The following CTNNA1 variants were observed in gnomAD, a reference collection of about 807,000 sequenced individuals.
CTNNA1 encodes catenin alpha-1.
A neutral mutation model predicts 98.4 loss-of-function variants in CTNNA1; 37 were observed. The ratio of observed to expected loss-of-function variants is 0.38; its 90% CI spans 0.29 to 0.49. The LOEUF (loss-of-function observed/expected upper bound fraction) is 0.49. Among genes scored for constraint, CTNNA1 ranks in the 20% least tolerant of loss-of-function variants. CTNNA1 has a pLI of 0.95. For synonymous variants in CTNNA1, 404 were observed against 413.2 expected (o/e 0.98, Z 0.27); for missense variants, 761 against 1,147.2 (o/e 0.66, Z 4.86).
intron 7 of CTNNA1, among the ~76,000 whole-genome samples, chr5:138,828,618 C>T (rs6884198): frequency 0.69 from 105,171 of 152,022 alleles, 36,517 homozygotes; most frequent in East Asian, 0.93. Context: ...TCATCACTAG[C>T]GTTTTTTACC....
At chr5:138,758,220 G>C (rs1387435520) in intron 1 of CTNNA1, among the ~76,000 whole-genome samples, 1 of 150,338 alleles carries the variant, frequency 6.7e-6, no homozygotes, top group African/African-American at 2.4e-5. Flanking sequence ...ATTTTTTTTT[G>C]AGATGGAGTC....
intron 1 of CTNNA1, among the ~76,000 whole-genome samples, chr5:138,755,461 C>T (rs551027570): frequency 6.6e-6 from 1 of 152,226 alleles, no homozygotes; most frequent in South Asian, 2.1e-4. Context: ...TTCTTTTCCT[C>T]GCCCTCACTC....
chr5:138,882,584 T>C (rs1381393139), intron 7 of CTNNA1, among the ~76,000 whole-genome samples: 2 of 152,166 alleles, frequency 1.3e-5, no homozygotes, highest in Non-Finnish European at 2.9e-5. Context: ...CTGGAAACCT[T>C]TGCCTTTTCA....
intron 1 of CTNNA1, among the ~76,000 whole-genome samples, chr5:138,772,335 A>ACAGC (rs1329254608): frequency 2.0e-5 from 3 of 152,244 alleles, no homozygotes; most frequent in Non-Finnish European, 2.9e-5. Flanking sequence ...CCTCCTGGAA[A>ACAGC]AACCTAAGGT....
intron 7 of CTNNA1, among the ~76,000 whole-genome samples, chr5:138,879,171 T>TA (rs35271091): frequency 0.27 from 21,537 of 80,176 alleles, 3,238 homozygotes; most frequent in East Asian, 0.46. Context: ...ACTCCGTCTT[T>TA]AAAAAAAAAA....
rs1043413100 is a variant in CTNNA1, at chr5:138,810,097, C to T, written c.361C>T (p.Arg121Ter). ...AGATGATCCCTGCTCTTCTGTGAAG[C>T]GAGGCAACATGGTTCGGGCAGCTCG... ...FADDPCSSVK[R>*]GNMVRAARAL... The change falls in exon 4 of 18, where the codon CGA (arginine) becomes TGA (stop). Residue 121 changes from arginine to a stop codon, truncating the protein, a stop_gained. Transcript: ENST00000302763. LOFTEE classifies it high-confidence loss of function. 1 of 1,614,108 alleles carries T rather than the reference C, an allele frequency of 6.2e-7. No homozygotes were observed. Among genetic ancestry groups the T allele is most frequent in the Non-Finnish European group, 8.5e-7 (1 of 1,179,996 alleles).
chr5:138,817,731 C>T (rs76001936), intron 5 of CTNNA1, among the ~76,000 whole-genome samples: 5,675 of 151,910 alleles, frequency 0.037, 283 homozygotes, highest in African/African-American at 0.12. Flanking sequence ...TTGAATTCTT[C>T]GTTGTTTTCA....
chr5:138,843,115 G>A (rs1274583883), intron 7 of CTNNA1, among the ~76,000 whole-genome samples: 1 of 152,116 alleles, frequency 6.6e-6, no homozygotes, highest in Non-Finnish European at 1.5e-5. Context: ...TGGTTTAGGA[G>A]GAATGGTTAC....
chr5:138,887,337 T>C (rs1296011705), intron 8 of CTNNA1, among the ~76,000 whole-genome samples, 153 bp from the exon 9 acceptor site: 1 of 152,194 alleles, frequency 6.6e-6, no homozygotes, highest in Non-Finnish European at 1.5e-5. Flanking sequence ...TTGTAGATTA[T>C]GTAACTGCAT....
At position 138,825,482 on chromosome 5, in the gene CTNNA1, G is replaced by GTTTTTTTT. The variant is rs756586452; in HGVS notation, c.858+692_858+699dup. ...CTTCCAGTAGATGGCAGCAGTATAA[G>GTTTTTTTT]TTTTTTTTTTTTTTTTAGGGCTTTA... On this transcript the variant is annotated intron_variant, in intron 6 of 17. Coordinates refer to ENST00000302763, the MANE Select transcript of CTNNA1 (RefSeq NM_001903.5). 2.2e-3 allele frequency among the ~76,000 whole-genome samples: 166 copies of GTTTTTTTT among 74,090 alleles called. 19 individuals carry two copies. Among genetic ancestry groups the GTTTTTTTT allele is most frequent in the African/African-American group, 7.3e-3 (126 of 17,276 alleles). The allele number at this position is 74,090 out of a possible 152,430, so 48.6% of individuals were successfully genotyped here.
At position 138,924,691 on chromosome 5, in the gene CTNNA1, T is replaced by G; in HGVS notation, c.1728T>G (p.Thr576=). The G allele has an allele frequency of 6.3e-7, 1 of 1,581,874 alleles. No individual in the cohort carries two copies. The highest frequency in any genetic ancestry group is 1.7e-4 in the Middle Eastern group (1 of 5,830). The change falls in exon 12 of 18, where the codon ACT becomes ACG. Residue 576 remains threonine (T), a synonymous_variant. Transcript: ENST00000302763. The part of the protein sequence containing the change: ...GVYTEKVLEA[T]KLLSNTVMPR... ...ACACAGAGAAGGTTCTGGAAGCCAC[T>G]AAGCTGCTCTCCAACACAGGTACGG...
At chr5:138,884,315 A>C (rs971860671) in intron 7 of CTNNA1, among the ~76,000 whole-genome samples, 6 of 152,176 alleles carry the variant, frequency 3.9e-5, no homozygotes, top group African/African-American at 1.4e-4. Flanking sequence ...GGAGGCGGGA[A>C]GCCAAGGTTC....
intron 3 of CTNNA1, among the ~76,000 whole-genome samples, chr5:138,800,943 T>A (rs1473926717): frequency 1.3e-5 from 2 of 152,202 alleles, no homozygotes; most frequent in Non-Finnish European, 2.9e-5. Context: ...TTGGTAGTAC[T>A]TCCAGCATCA....
At chr5:138,789,188 TCCC>T (rs11331872) in intron 3 of CTNNA1, among the ~76,000 whole-genome samples, 20 of 149,224 alleles carry the variant, frequency 1.3e-4, no homozygotes, top group African/African-American at 4.9e-4. Context: ...TTCCTGTTTT[TCCC>T]CCCCCCCAGA....
chr5:138,884,793 A>AG (rs1753671949), intron 7 of CTNNA1, among the ~76,000 whole-genome samples: 1 of 152,198 alleles, frequency 6.6e-6, no homozygotes, highest in African/African-American at 2.4e-5. Flanking sequence ...CTGGCTGAGA[A>AG]GGGGGTCCAT....
chr5:138,781,987 G>A lies in CTNNA1; in HGVS notation c.63G>A (p.Arg21=), dbSNP rs1436293141. ...FKWDPKSLEI[R]TLAVERLLEP... ...GGGATCCTAAAAGTCTAGAGATCAG[G>A]ACTCTGGCAGTTGAGAGACTGTTGG... The change falls in exon 2 of 18, where the codon AGG becomes AGA. Residue 21 remains arginine, a synonymous_variant. Transcript: ENST00000302763. The A allele has an allele frequency of 1.2e-6, 2 of 1,607,552 alleles. No individual in the cohort carries two copies. The highest frequency in any genetic ancestry group is 2.2e-5 in the South Asian group (2 of 89,236).
intron 7 of CTNNA1, among the ~76,000 whole-genome samples, chr5:138,856,268 T>C (rs926238564): frequency 2.6e-5 from 4 of 152,212 alleles, no homozygotes; most frequent in Non-Finnish European, 4.4e-5. Flanking sequence ...TATAATAAGA[T>C]ACTCTTTTGT....
chr5:138,878,701 A>G (rs1360071552), intron 7 of CTNNA1, among the ~76,000 whole-genome samples: 1 of 152,188 alleles, frequency 6.6e-6, no homozygotes, highest in Non-Finnish European at 1.5e-5. Flanking sequence ...TGGAGAAGCA[A>G]ATGTACAGAT....
At chr5:138,790,898 C>T (rs923312559) in intron 3 of CTNNA1, 1 of 152,162 alleles carries the variant, frequency 6.6e-6, no homozygotes, top group Non-Finnish European at 1.5e-5. Flanking sequence ...CCAGTCACCT[C>T]TCATGTATGT....
Sources: allele counts gnomAD v4.1 joint callset (sites outside exome capture counted in the v4.1 genomes callset), GRCh38; gene constraint gnomAD v4.1.1; transcripts MANE v1.5; gene names NCBI Gene and HGNC (gene_info 2026-07-23, HGNC 2026-07-21).